TANC1: variants seen among roughly 807,000 people sequenced by gnomAD.
The protein encoded by TANC1 is tetratricopeptide repeat, ankyrin repeat and coiled-coil containing 1.
TANC1 carries 77 observed loss-of-function variants against 149.7 expected under a neutral mutation model. The observed-to-expected ratio is 0.51, with a 90% confidence interval of 0.43 to 0.62. TANC1 has a LOEUF of 0.62. Among genes scored for constraint, TANC1 ranks in the 20% least tolerant of loss-of-function variants. The pLI, the probability that TANC1 is intolerant of heterozygous loss-of-function variation, is 0.00. For missense variants in TANC1, 1,985 were observed against 2,321.8 expected, an observed-to-expected ratio of 0.85 and a Z score of 2.98; for synonymous variants, 854 against 925.0, an observed-to-expected ratio of 0.92 and a Z score of 1.39.
chr2:159,006,437 A>C (rs2037188922), intron 2 of TANC1, among the ~76,000 whole-genome samples: 2 of 152,192 alleles, frequency 1.3e-5, no homozygotes, highest in Admixed American at 1.3e-4. Flanking sequence ...ATTAGGAGAA[A>C]GTGTTATTGT....
intron 2 of TANC1, among the ~76,000 whole-genome samples, chr2:159,017,956 T>C (rs2038443772): frequency 6.6e-6 from 1 of 152,196 alleles, no homozygotes; most frequent in African/African-American, 2.4e-5. Context: ...GATGTTCTCC[T>C]ATGTGTGTTG....
chr2:159,076,919 C>CT (rs1200190263), intron 3 of TANC1, among the ~76,000 whole-genome samples: 1 of 152,022 alleles, frequency 6.6e-6, no homozygotes, highest in Non-Finnish European at 1.5e-5. Flanking sequence ...ATCTCTATAT[C>CT]TCTATCCCTG....
chr2:159,082,011 T>C (rs2044321094), intron 3 of TANC1, among the ~76,000 whole-genome samples: 1 of 152,240 alleles, frequency 6.6e-6, no homozygotes, highest in Non-Finnish European at 1.5e-5. Flanking sequence ...CATCAGACCC[T>C]TCCAGAGCCC....
intron 1 of TANC1, among the ~76,000 whole-genome samples, chr2:158,998,018 A>C (rs2036291383): frequency 6.6e-6 from 1 of 152,162 alleles, no homozygotes; most frequent in South Asian, 2.1e-4. Flanking sequence ...ACATGAAGAA[A>C]AGTTTCACTT....
intron 6 of TANC1, chr2:159,149,706 T>G (rs1413822075): frequency 5.0e-6 from 1 of 198,556 alleles, no homozygotes; most frequent in Admixed American, 5.5e-5. Flanking sequence ...AGAGACAAAA[T>G]AAGATGAGAT....
chr2:159,136,002 T>TTG (rs754052800), intron 4 of TANC1, among the ~76,000 whole-genome samples, 192 bp from the exon 5 acceptor site: 5,123 of 107,698 alleles, frequency 0.048, 121 homozygotes, highest in Middle Eastern at 0.062. Context: ...TACTGAAATT[T>TTG]TGTGTGTGTG....
At chr2:159,014,030 G>C (rs1338273226) in intron 2 of TANC1, among the ~76,000 whole-genome samples, 5 of 151,976 alleles carry the variant, frequency 3.3e-5, no homozygotes, top group Non-Finnish European at 5.9e-5. Context: ...ATTGGATTAG[G>C]GCCCACCCTA....
At position 158,973,956 on chromosome 2, in the gene TANC1, A is replaced by G. The variant is rs141700129; in HGVS notation, c.-126+5174A>G. 1.4e-3 allele frequency among the ~76,000 whole-genome samples: 209 copies of G among 152,296 alleles called. 1 individual carries two copies. Among genetic ancestry groups the G allele is most frequent in the Non-Finnish European group, 1.6e-3 (112 of 68,028 alleles). On this transcript the variant is annotated intron_variant, in intron 1 of 26. Transcript: ENST00000263635. ...CCCATTACACTCCCCTCTCTCTGCC[A>G]TGCTTTGTTCTAAATTACTTGGGAT...
chr2:159,027,337 C>T (rs1243990280), intron 2 of TANC1, among the ~76,000 whole-genome samples: 1 of 152,144 alleles, frequency 6.6e-6, no homozygotes, highest in Non-Finnish European at 1.5e-5. Context: ...TAGTTTATTG[C>T]CCTCAAGCTC....
At chr2:159,215,946 G>A (rs1443124091) in intron 19 of TANC1, among the ~76,000 whole-genome samples, 19 of 152,196 alleles carry the variant, frequency 1.2e-4, no homozygotes, top group South Asian at 2.1e-4. Flanking sequence ...TTTGCAGCCC[G>A]GGGTGCGGTG....
At chr2:159,118,808 GT>G (rs1160867999) in intron 4 of TANC1, among the ~76,000 whole-genome samples, 1 of 152,152 alleles carries the variant, frequency 6.6e-6, no homozygotes. Context: ...ATTCGGCCAG[GT>G]TCTGTGATTC....
chr2:159,142,482 G>A (rs573895445), intron 5 of TANC1, among the ~76,000 whole-genome samples: 4 of 152,282 alleles, frequency 2.6e-5, no homozygotes, highest in South Asian at 4.1e-4. Context: ...CCTTGATGAA[G>A]CACTAAAAGT....
chr2:159,049,037 G>C (rs1025844389), intron 2 of TANC1, among the ~76,000 whole-genome samples: 1 of 152,098 alleles, frequency 6.6e-6, no homozygotes, highest in African/African-American at 2.4e-5. Flanking sequence ...TTTCCTCATA[G>C]GTCCCTCCTT....
In TANC1 at chr2:159,144,648, C is replaced by T. The variant is rs144864097; in HGVS notation, c.365-4494C>T. ...GATCACTCAGGTGATCCATCTGCCTCGGCCTCCGAAAGTGCTGGGATTACA... is the reference window on the plus strand; with the variant it reads ...GATCACTCAGGTGATCCATCTGCCTTGGCCTCCGAAAGTGCTGGGATTACA... On this transcript the variant is annotated intron_variant, in intron 5 of 26. Coordinates refer to ENST00000263635, the MANE Select transcript of TANC1 (RefSeq NM_033394.3). Among the ~76,000 whole-genome samples, 20 of 152,298 alleles carry T rather than the reference C, an allele frequency of 1.3e-4. No homozygotes were observed. The East Asian group carries it at 3.1e-3, about 24-fold the overall frequency.
chr2:159,161,625 A>T (rs898328525), intron 7 of TANC1, among the ~76,000 whole-genome samples: 2 of 152,202 alleles, frequency 1.3e-5, no homozygotes, highest in African/African-American at 4.8e-5. Flanking sequence ...TCTGCTGTCA[A>T]CACCACCATT....
At chr2:159,033,383 A>G (rs62174276) in intron 2 of TANC1, among the ~76,000 whole-genome samples, 4,961 of 152,282 alleles carry the variant, frequency 0.033, 157 homozygotes, top group African/African-American at 0.079. Flanking sequence ...TCGTAAATGT[A>G]TGACCGGTTC....
intron 10 of TANC1, 79 bp downstream of exon 10, chr2:159,170,884 A>C: frequency 6.7e-7 from 1 of 1,499,492 alleles, no homozygotes; most frequent in Non-Finnish European, 9.1e-7. Context: ...TAGACATAAA[A>C]TACCAATTTT....
rs578107478 is a variant in TANC1, at chr2:158,986,626, A to G, written c.-125-14454A>G. ...CAAGCTCCTGGGTTGAGAGTGAGAC[A>G]GGTTCTCACATTTGAGAAATGTTTG... On this transcript the variant is annotated intron_variant, in intron 1 of 26. Transcript: ENST00000263635. Among the ~76,000 whole-genome samples the G allele has an allele frequency of 7.9e-5, 12 of 152,296 alleles. No individual in the cohort carries two copies. The East Asian group carries it at 1.9e-3, about 25-fold the overall frequency.
At position 159,163,501 on chromosome 2, in the gene TANC1, C is replaced by T; in HGVS notation, c.901C>T (p.Gln301Ter). Residue 301 changes from glutamine to a stop codon, truncating the protein, a stop_gained, in exon 8 of 27, where the codon CAG becomes TAG. Coordinates refer to ENST00000263635, the MANE Select transcript of TANC1 (RefSeq NM_033394.3). LOFTEE classifies it high-confidence loss of function. The stretch of plus-strand genomic sequence containing the variant: ...TGGAGATGGTCCAGTCCCTTATTCT[C>T]AGGGCTCCAGCTCACTAATAATGCC... ...SAGDGPVPYS[Q>*]GSSSLIMPRP... is the part of the protein sequence containing the mutation. 6.2e-7 allele frequency: 1 copy of T among 1,613,346 alleles called. No individual in the cohort carries two copies. The highest frequency in any genetic ancestry group is 8.5e-7 in the Non-Finnish European group (1 of 1,179,950).
Sources: gnomAD v4.1 joint callset for allele counts (sites outside exome capture counted in the v4.1 genomes callset) on GRCh38, gnomAD v4.1.1 for gene constraint, MANE v1.5 for transcripts, NCBI Gene and HGNC (gene_info 2026-07-23, HGNC 2026-07-21) for gene names.